The following SCAND3 variants were observed in gnomAD, a reference collection of about 807,000 sequenced individuals.
The protein encoded by SCAND3 is SCAN domain-containing protein 3.
At chr6:28,595,355 A>AAT in the SCAND3 span, among the ~76,000 whole-genome samples, 1 of 132,420 alleles carries the variant, frequency 7.6e-6, no homozygotes, top group Non-Finnish European at 1.6e-5. Flanking sequence ...AAAAAAAAAA[A>AAT]GAAGAAGAAG....
chr6:28,574,807 T>G, the SCAND3 span: 1 of 1,614,016 alleles, frequency 6.2e-7, no homozygotes, highest in Non-Finnish European at 8.5e-7. Flanking sequence ...CTCAGTCCCA[T>G]GTTGAGAGGG....
At chr6:28,604,282 G>T in the SCAND3 span, among the ~76,000 whole-genome samples, 58,197 of 152,000 alleles carry the variant, frequency 0.38, 13,250 homozygotes, top group African/African-American at 0.64. Context: ...TTCAGCTTAG[G>T]AATTCCTTCC....
At chr6:28,576,422 A>G in the SCAND3 span, among the ~76,000 whole-genome samples, 1 of 151,842 alleles carries the variant, frequency 6.6e-6, no homozygotes, top group Non-Finnish European at 1.5e-5. Context: ...ATGACACTTG[A>G]CTAATGTTTT....
the SCAND3 span, among the ~76,000 whole-genome samples, chr6:28,581,077 C>G: frequency 3.3e-5 from 5 of 152,072 alleles, no homozygotes; most frequent in Admixed American, 6.6e-5. Flanking sequence ...TAGCTGACAT[C>G]TGTAATCTCA....
chr6:28,576,495 A>G, the SCAND3 span, among the ~76,000 whole-genome samples: 2 of 152,066 alleles, frequency 1.3e-5, no homozygotes, highest in Non-Finnish European at 2.9e-5. Flanking sequence ...CCTGGTCTCA[A>G]GCAATCTGCC....
chr6:28,595,867 T>G, the SCAND3 span, among the ~76,000 whole-genome samples: 5 of 152,194 alleles, frequency 3.3e-5, no homozygotes, highest in South Asian at 6.2e-4. Flanking sequence ...CATCCCCCAC[T>G]GCCCCGCCAC....
the SCAND3 span, among the ~76,000 whole-genome samples, chr6:28,578,082 T>C: frequency 6.6e-6 from 1 of 152,234 alleles, no homozygotes; most frequent in Admixed American, 6.5e-5. Context: ...CCTGTTGATG[T>C]GGATGTTTGG....
At chr6:28,578,373 C>G in the SCAND3 span, among the ~76,000 whole-genome samples, 1 of 152,090 alleles carries the variant, frequency 6.6e-6, no homozygotes, top group Non-Finnish European at 1.5e-5. Context: ...TAGGTAGATG[C>G]AACAAGACTG....
the SCAND3 span, among the ~76,000 whole-genome samples, chr6:28,612,863 G>T: frequency 6.6e-6 from 1 of 152,120 alleles, no homozygotes; most frequent in Non-Finnish European, 1.5e-5. Flanking sequence ...CACAAACTCA[G>T]TGGATATAGG....
the SCAND3 span, among the ~76,000 whole-genome samples, chr6:28,611,033 A>G: frequency 2.0e-5 from 3 of 152,202 alleles, no homozygotes; most frequent in African/African-American, 7.2e-5. Context: ...TAGCAAGAAG[A>G]TATGTTTCCT....
the SCAND3 span, chr6:28,574,921 T>C: frequency 3.1e-6 from 5 of 1,613,948 alleles, no homozygotes; most frequent in Non-Finnish European, 4.2e-6. Flanking sequence ...TAGTCTGCTC[T>C]CAGGAGGGCT....
chr6:28,601,537 G>C, the SCAND3 span, among the ~76,000 whole-genome samples: 2 of 152,098 alleles, frequency 1.3e-5, no homozygotes, highest in Non-Finnish European at 2.9e-5. Context: ...AGGGGAGAAG[G>C]GGGACAGGGT....
At chr6:28,595,427 T>C in the SCAND3 span, among the ~76,000 whole-genome samples, 1 of 127,538 alleles carries the variant, frequency 7.8e-6, no homozygotes, top group African/African-American at 3.1e-5. Flanking sequence ...TTTACAGAAA[T>C]AAAGAAAATT....
chr6:28,597,977 T>C, the SCAND3 span: 1 of 152,206 alleles, frequency 6.6e-6, no homozygotes. Context: ...TGCTGAGATA[T>C]GCAGCAATGG....
the SCAND3 span, among the ~76,000 whole-genome samples, chr6:28,599,524 G>A: frequency 6.6e-6 from 1 of 152,120 alleles, no homozygotes. Flanking sequence ...TTGAATCATG[G>A]GGCAGATCTT....
the SCAND3 span, among the ~76,000 whole-genome samples, chr6:28,602,125 T>A: frequency 5.3e-5 from 8 of 152,236 alleles, no homozygotes; most frequent in Non-Finnish European, 8.8e-5. Flanking sequence ...GTTTATTTTT[T>A]AATTTATTTT....
the SCAND3 span, among the ~76,000 whole-genome samples, chr6:28,615,251 A>G: frequency 1.3e-5 from 2 of 152,222 alleles, no homozygotes; most frequent in Admixed American, 1.3e-4. Context: ...TAACCAAAAG[A>G]TATTTACAAA....
chr6:28,589,573 C>CTA, the SCAND3 span: 1 of 152,144 alleles, frequency 6.6e-6, no homozygotes, highest in African/African-American at 2.4e-5. Flanking sequence ...GTATTGAACT[C>CTA]TCCCCTTCTA....
chr6:28,605,799 T>A, the SCAND3 span, among the ~76,000 whole-genome samples: 1 of 151,678 alleles, frequency 6.6e-6, no homozygotes, highest in South Asian at 2.1e-4. Flanking sequence ...TGAGCCGAGA[T>A]CGCGCCATTG....
Sources: allele counts gnomAD v4.1 joint callset (sites outside exome capture counted in the v4.1 genomes callset), GRCh38; gene constraint gnomAD v4.1.1; transcripts MANE v1.5; gene names NCBI Gene and HGNC (gene_info 2026-07-23, HGNC 2026-07-21).